TMEM178B: variants seen among roughly 807,000 people sequenced by gnomAD.
The protein encoded by TMEM178B is transmembrane protein 178B.
A neutral mutation model predicts 31.0 loss-of-function variants in TMEM178B; 5 were observed. The ratio of observed to expected loss-of-function variants is 0.16; its 90% CI spans 0.08 to 0.34. The LOEUF is 0.34. TMEM178B is among the 10% of genes least tolerant of loss of function. The probability of loss-of-function intolerance (pLI) is 1.00; values close to 1 mark genes in which losing one functional copy is unlikely to be tolerated. For synonymous variants in TMEM178B, 164 were observed against 164.0 expected (o/e 1.00, Z 0.00); for missense variants, 275 against 400.3 (o/e 0.69, Z 2.67).
chr7:141,227,554 A>C (rs1024131788), intron 2 of TMEM178B, among the ~76,000 whole-genome samples: 3 of 152,228 alleles, frequency 2.0e-5, no homozygotes, highest in Non-Finnish European at 2.9e-5. Context: ...AATAACTCAC[A>C]GAAGAGCCGT....
At chr7:141,290,984 T>A (rs1373519673) in intron 2 of TMEM178B, among the ~76,000 whole-genome samples, 1 of 152,208 alleles carries the variant, frequency 6.6e-6, no homozygotes, top group Non-Finnish European at 1.5e-5. Context: ...TCTTCCTTGA[T>A]GTCAGAATTG....
chr7:141,176,174 T>C (rs1270772558), intron 1 of TMEM178B, among the ~76,000 whole-genome samples: 1 of 152,222 alleles, frequency 6.6e-6, no homozygotes, highest in Non-Finnish European at 1.5e-5. Flanking sequence ...TGAAGGGCTG[T>C]TGAATTTTGT....
intron 2 of TMEM178B, among the ~76,000 whole-genome samples, chr7:141,243,497 G>A (rs1276423560): frequency 6.6e-6 from 1 of 152,180 alleles, no homozygotes; most frequent in African/African-American, 2.4e-5. Context: ...GCAGGGGCTG[G>A]TGGTGTCCTC....
At chr7:141,205,642 A>G (rs1796950773) in intron 1 of TMEM178B, among the ~76,000 whole-genome samples, 1 of 152,258 alleles carries the variant, frequency 6.6e-6, no homozygotes, top group Admixed American at 6.5e-5. Context: ...TAATGGAGAT[A>G]TAAAGTACTA....
chr7:141,316,214 G>A (rs1388890523), intron 2 of TMEM178B, among the ~76,000 whole-genome samples: 3 of 152,174 alleles, frequency 2.0e-5, no homozygotes, highest in Admixed American at 1.3e-4. Flanking sequence ...AGATTGGCTG[G>A]CTGGTGGGGC....
chr7:141,265,721 A>G (rs1798085521), intron 2 of TMEM178B, among the ~76,000 whole-genome samples: 1 of 152,172 alleles, frequency 6.6e-6, no homozygotes, highest in Admixed American at 6.6e-5. Context: ...CTTTTCCACC[A>G]CCAGGTACAT....
At chr7:141,106,804 A>G (rs1224456236) in intron 1 of TMEM178B, among the ~76,000 whole-genome samples, 1 of 152,202 alleles carries the variant, frequency 6.6e-6, no homozygotes, top group African/African-American at 2.4e-5. Context: ...TTCACTTAAC[A>G]CATATTTCAT....
Position 141,318,636 on chromosome 7 carries a change from C to T in TMEM178B, c.496+105932C>T, listed in dbSNP as rs1799046790. On this transcript the variant is annotated intron_variant, in intron 2 of 3. Transcript: ENST00000565468. This position sits in a 1 kb window ranked among gnomAD's most constrained non-coding sequence, Gnocchi z 4.1. ...TTGTTTGATAGCTAAACCTATGCCA[C>T]CCCTTCAGAAGCCTGTACCAAGACA... 6.6e-6 allele frequency among the ~76,000 whole-genome samples: 1 copy of T among 152,180 alleles called. No individual in the cohort carries two copies. The highest frequency in any genetic ancestry group is 2.1e-4 in the South Asian group (1 of 4,832).
chr7:141,186,606 T>C (rs1796613259), intron 1 of TMEM178B, among the ~76,000 whole-genome samples: 1 of 152,248 alleles, frequency 6.6e-6, no homozygotes, highest in Non-Finnish European at 1.5e-5. Context: ...TTTCAGTGTT[T>C]CTGGCATCAT....
chr7:141,392,282 A>G (rs1044246966), intron 2 of TMEM178B, among the ~76,000 whole-genome samples: 1 of 152,236 alleles, frequency 6.6e-6, no homozygotes, highest in African/African-American at 2.4e-5. Context: ...TCTGACCTTT[A>G]ACACTCAATT....
chr7:141,246,464 A>G (rs1797731723), intron 2 of TMEM178B, among the ~76,000 whole-genome samples: 1 of 152,038 alleles, frequency 6.6e-6, no homozygotes, highest in African/African-American at 2.4e-5. Context: ...ATAGGTAGAG[A>G]GACAAGAAGA....
intron 1 of TMEM178B, among the ~76,000 whole-genome samples, chr7:141,101,674 A>T (rs181643328): frequency 3.9e-5 from 6 of 152,356 alleles, no homozygotes; most frequent in Admixed American, 3.9e-4. Context: ...ATAAAAATAC[A>T]TGCAGCATAT....
intron 2 of TMEM178B, among the ~76,000 whole-genome samples, chr7:141,284,249 C>G (rs1332994918): frequency 6.6e-6 from 1 of 152,198 alleles, no homozygotes; most frequent in Non-Finnish European, 1.5e-5. Flanking sequence ...TCAGTTTCCT[C>G]TTAAGGTTCT....
At chr7:141,107,137 A>G (rs1795160272) in intron 1 of TMEM178B, among the ~76,000 whole-genome samples, 1 of 152,220 alleles carries the variant, frequency 6.6e-6, no homozygotes, top group Non-Finnish European at 1.5e-5. Flanking sequence ...TGTGCAAAGT[A>G]TCTAAAGCTG....
intron 3 of TMEM178B, among the ~76,000 whole-genome samples, chr7:141,457,535 T>A (rs1801987637): frequency 6.6e-6 from 1 of 152,056 alleles, no homozygotes; most frequent in Non-Finnish European, 1.5e-5. Context: ...GGCTTCCTCA[T>A]AAGAAAGAAT....
At chr7:141,482,542 A>G (rs1300960208), downstream of TMEM178B, among the ~76,000 whole-genome samples, 1 of 152,102 alleles carries the variant, frequency 6.6e-6, no homozygotes, top group African/African-American at 2.4e-5. Context: ...GAACCAAACT[A>G]AAGCCTTCCC....
At chr7:141,507,970 C>G in the TMEM178B span, among the ~76,000 whole-genome samples, 1 of 152,240 alleles carries the variant, frequency 6.6e-6, no homozygotes, top group East Asian at 1.9e-4. Flanking sequence ...TGGGCATTAA[C>G]ATGATGCTCC....
At position 141,479,454 on chromosome 7, in the gene TMEM178B, C is replaced by A. The variant is rs942242362; in HGVS notation, c.*8668C>A. ...CTGGGACTCAACCCACCATTGCCTA[C>A]CTCTCTTCCCTGCCTGGAGACCTTC... On this transcript the variant is annotated 3_prime_UTR_variant, in exon 4 of 4. Coordinates refer to ENST00000565468, the MANE Select transcript of TMEM178B (RefSeq NM_001195278.2). 1 of 152,232 alleles carries A rather than the reference C, an allele frequency of 6.6e-6. No homozygotes were observed. The highest frequency in any genetic ancestry group is 1.5e-5 in the Non-Finnish European group (1 of 68,044). The allele number at this position is 152,232 out of a possible 1,614,324, so 9.4% of individuals were successfully genotyped here.
Position 141,338,200 on chromosome 7 carries a change from G to T in TMEM178B, c.497-99408G>T, listed in dbSNP as rs188553890. Among the ~76,000 whole-genome samples the T allele has an allele frequency of 9.0e-4, 137 of 152,192 alleles. No homozygotes were observed. In the East Asian group the frequency reaches 0.025, roughly 28 times the overall value. ...CTGTGATAGAAATTAGAGCAATAGA[G>T]GTATAACAAAGGGAAGGAAAGTAGA... On this transcript the variant is annotated intron_variant, in intron 2 of 3. Coordinates refer to ENST00000565468, the MANE Select transcript of TMEM178B (RefSeq NM_001195278.2).
Sources: gnomAD v4.1 joint callset for allele counts (sites outside exome capture counted in the v4.1 genomes callset) on GRCh38, gnomAD v4.1.1 for gene constraint, Gnocchi (gnomAD v3.1) non-coding constraint, MANE v1.5 for transcripts, NCBI Gene and HGNC (gene_info 2026-07-23, HGNC 2026-07-21) for gene names.